Variants in CACNA1E observed in about 807,000 individuals in gnomAD.
CACNA1E encodes the protein calcium voltage-gated channel subunit alpha1 E.
A neutral mutation model predicts 259.2 loss-of-function variants in CACNA1E; 40 were observed. The ratio of observed to expected loss-of-function variants is 0.15; its 90% confidence interval spans 0.12 to 0.20. The LOEUF (loss-of-function observed/expected upper bound fraction) is 0.20. CACNA1E is among the 10% of genes least tolerant of loss of function. The pLI, the probability that CACNA1E is intolerant of heterozygous loss-of-function variation, is 1.00. For synonymous variants in CACNA1E, 1,104 were observed against 1,138.5 expected (o/e 0.97, Z 0.61); for missense variants, 1,874 against 3,040.1 (o/e 0.62, Z 9.02).
chr1:181,364,257 G>A (rs779362959), intron 1 of CACNA1E, among the ~76,000 whole-genome samples: 3 of 152,202 alleles, frequency 2.0e-5, no homozygotes. Context: ...CATCCTAAGC[G>A]CCTTTGTCCA....
At chr1:181,647,581 T>A (rs1198652537) in intron 6 of CACNA1E, among the ~76,000 whole-genome samples, 1 of 152,208 alleles carries the variant, frequency 6.6e-6, no homozygotes, top group Non-Finnish European at 1.5e-5. Flanking sequence ...ACGTGCTTTC[T>A]GGGTACTTGC....
At chr1:181,641,696 A>ATTTTTTTTTTTTTTTTTT (rs1369217611) in intron 6 of CACNA1E, among the ~76,000 whole-genome samples, 1 of 104,084 alleles carries the variant, frequency 9.6e-6, no homozygotes, top group African/African-American at 4.0e-5. Flanking sequence ...GGCAACACTA[A>ATTTTTTTTTTTTTTTTTT]TTTTTTGTTT....
intron 3 of CACNA1E, among the ~76,000 whole-genome samples, chr1:181,538,704 G>C (rs1354012700): frequency 6.6e-6 from 1 of 152,188 alleles, no homozygotes; most frequent in Non-Finnish European, 1.5e-5. Context: ...ATTTAAGCTG[G>C]ATGTTGAAGG....
At chr1:181,608,625 A>G (rs750693009) in intron 6 of CACNA1E, among the ~76,000 whole-genome samples, 2 of 152,158 alleles carry the variant, frequency 1.3e-5, no homozygotes, top group African/African-American at 4.8e-5. Flanking sequence ...GGAATGGATG[A>G]GACTGAATGC....
intron 6 of CACNA1E, among the ~76,000 whole-genome samples, chr1:181,618,862 GTTA>G (rs1655464086): frequency 6.6e-6 from 1 of 152,182 alleles, no homozygotes; most frequent in Non-Finnish European, 1.5e-5. Context: ...ATTCATTTAT[GTTA>G]CACTTTAAGT....
intron 1 of CACNA1E, among the ~76,000 whole-genome samples, chr1:181,368,649 G>C (rs115629603): frequency 6.6e-6 from 1 of 152,140 alleles, no homozygotes; most frequent in Admixed American, 6.5e-5. Flanking sequence ...CAGGGAGGAG[G>C]GGGCAGTGCT....
At position 181,771,289 on chromosome 1, in the gene CACNA1E, C is replaced by T. The variant is rs879580533; in HGVS notation, c.4882-4C>T. On this transcript the variant is annotated splice_region_variant and splice_polypyrimidine_tract_variant and intron_variant, in intron 35 of 47. Coordinates refer to ENST00000367573, the MANE Select transcript of CACNA1E (RefSeq NM_001205293.3). Reference sequence around the variant, plus strand: ...CACTGTTTTCTGTTGTTTCTCTCCTCAAGGTATTTGGAAACATAAAATTAG... The same window carrying T: ...CACTGTTTTCTGTTGTTTCTCTCCTTAAGGTATTTGGAAACATAAAATTAG... 2 of 1,519,990 alleles carry T rather than the reference C, an allele frequency of 1.3e-6. No individual in the cohort carries two copies. The highest frequency in any genetic ancestry group is 1.8e-6 in the Non-Finnish European group (2 of 1,109,024). The allele number at this position is 1,519,990 out of a possible 1,614,324, so 94.2% of individuals were successfully genotyped here. A position where few individuals can be genotyped will look rare whatever the true frequency, so the allele number is the denominator to read the frequency against.
chr1:181,800,956 C>CTT lies in CACNA1E; in HGVS notation c.*2123_*2124dup, dbSNP rs1662226496. On this transcript the variant is annotated 3_prime_UTR_variant, in exon 48 of 48. Transcript: ENST00000367573. The stretch of plus-strand genomic sequence containing the variant: ...CTTTTGTCTTCATTTTCCTCTCCCA[C>CTT]TTAGCACATGTGTGCTTGAGGGTGG... 2 of 152,698 alleles carry CTT rather than the reference C, an allele frequency of 1.3e-5. No individual in the cohort carries two copies. The highest frequency in any genetic ancestry group is 4.1e-4 in the South Asian group (2 of 4,834). The allele number at this position is 152,698 out of a possible 1,614,324, so 9.5% of individuals were successfully genotyped here.
At chr1:181,402,291 GT>G (rs1421504560) in intron 1 of CACNA1E, among the ~76,000 whole-genome samples, 2 of 152,206 alleles carry the variant, frequency 1.3e-5, no homozygotes, top group Non-Finnish European at 2.9e-5. Flanking sequence ...CAGTTAGAGG[GT>G]GGTGTGAAGA....
At chr1:181,583,855 T>C (rs899930102) in intron 6 of CACNA1E, among the ~76,000 whole-genome samples, 1 of 152,138 alleles carries the variant, frequency 6.6e-6, no homozygotes, top group African/African-American at 2.4e-5. Context: ...TGTCGACAGT[T>C]CTGGCTATTG....
At chr1:181,414,778 A>G (rs547845664) in intron 2 of CACNA1E, among the ~76,000 whole-genome samples, 44 of 152,380 alleles carry the variant, frequency 2.9e-4, no homozygotes, top group African/African-American at 1.1e-3. Flanking sequence ...CGTGGATAAC[A>G]ACCGCATTGT....
At chr1:181,614,281 A>C (rs1205898730) in intron 6 of CACNA1E, among the ~76,000 whole-genome samples, 2 of 152,140 alleles carry the variant, frequency 1.3e-5, no homozygotes, top group East Asian at 3.8e-4. Flanking sequence ...CCACAGCTGT[A>C]GGCCTCAATT....
chr1:181,387,342 A>C (rs1192389472), intron 1 of CACNA1E, among the ~76,000 whole-genome samples: 2 of 152,100 alleles, frequency 1.3e-5, no homozygotes, highest in Admixed American at 6.5e-5. Flanking sequence ...CAGTCAAATC[A>C]CTTTCCCACT....
Position 181,732,507 on chromosome 1 carries a change from G to A in CACNA1E, c.2421G>A (p.Pro807=), listed in dbSNP as rs368794137. Residue 807 remains proline (P), a synonymous_variant, in exon 20 of 48, where the codon CCG becomes CCA. Transcript: ENST00000367573. The surrounding 1 kb of genome is among the most constrained non-coding windows in gnomAD (Gnocchi z 5.5). ...GAGAGGAGGCGCCGACCATGAACCC[G>A]CTCAACCCCCTCAACCCGCTCAGCT... ...LNREEAPTMN[P]LNPLNPLSSL... is the part of the protein sequence containing the mutation. 3.8e-5 allele frequency: 59 copies of A among 1,551,274 alleles called. No individual in the cohort carries two copies. The highest frequency in any genetic ancestry group is 4.1e-5 in the Non-Finnish European group (47 of 1,146,796).
chr1:181,793,273 A>T (rs1451266375), intron 44 of CACNA1E, among the ~76,000 whole-genome samples: 1 of 152,244 alleles, frequency 6.6e-6, no homozygotes, highest in Non-Finnish European at 1.5e-5. Context: ...GTTTCTATTT[A>T]ATTGATAAAA....
At chr1:181,534,070 C>T (rs2102744645) in intron 3 of CACNA1E, among the ~76,000 whole-genome samples, 1 of 152,100 alleles carries the variant, frequency 6.6e-6, no homozygotes, top group South Asian at 2.1e-4. Context: ...TTGCCCTAAA[C>T]AGGACTTCCA....
chr1:181,360,025 A>G (rs985690096), intron 1 of CACNA1E, among the ~76,000 whole-genome samples: 4 of 152,122 alleles, frequency 2.6e-5, no homozygotes, highest in Non-Finnish European at 4.4e-5. Flanking sequence ...AGGCTGCTCT[A>G]GGTCTGACTC....
intron 3 of CACNA1E, among the ~76,000 whole-genome samples, chr1:181,535,215 AG>A (rs1668078776): frequency 6.6e-6 from 1 of 152,188 alleles, no homozygotes; most frequent in Non-Finnish European, 1.5e-5. Context: ...TTCATAAAAA[AG>A]TTCAGTATCA....
Position 181,794,866 on chromosome 1 carries a change from G to A in CACNA1E, c.6030G>A (p.Val2010=). The stretch of plus-strand genomic sequence containing the variant: ...TCTCTGGGGGCTTGTATTTCCAGGT[G>A]GTGACAGACCCTAGCTCCATGAGAC... The part of the protein sequence containing the change: ...SMPRLTVDPQ[V]VTDPSSMRRS... The change falls in exon 46 of 48, where the codon GTG becomes GTA. Residue 2010 remains valine (V), a splice_region_variant and synonymous_variant. Transcript: ENST00000367573. 1.2e-6 allele frequency: 2 copies of A among 1,608,786 alleles called. No individual in the cohort carries two copies. Among genetic ancestry groups the A allele is most frequent in the Non-Finnish European group, 1.7e-6 (2 of 1,177,182 alleles).
Sources: allele counts gnomAD v4.1 joint callset (sites outside exome capture counted in the v4.1 genomes callset), GRCh38; gene constraint gnomAD v4.1.1; non-coding constraint Gnocchi (gnomAD v3.1); transcripts MANE v1.5; gene names NCBI Gene and HGNC (gene_info 2026-07-23, HGNC 2026-07-21).